The following SNCAIP variants were observed in gnomAD, a reference collection of about 807,000 sequenced individuals.
SNCAIP encodes synuclein alpha interacting protein, also known as synphilin-1.
A neutral mutation model predicts 86.7 loss-of-function variants in SNCAIP; 43 were observed. The observed-to-expected ratio is 0.50, with a 90% CI of 0.39 to 0.64. The LOEUF (loss-of-function observed/expected upper bound fraction) is 0.64, where lower values mean the gene tolerates loss of function less well. Ranked by LOEUF, SNCAIP falls within the 30% of genes least tolerant of loss-of-function variation. The pLI is 0.00. For missense variants in SNCAIP, 981 were observed against 1,103.1 expected (o/e 0.89, Z 1.57); for synonymous variants, 417 against 427.2 (o/e 0.98, Z 0.29).
At chr5:122,353,209 G>A (rs1760236000) in intron 1 of SNCAIP, among the ~76,000 whole-genome samples, 3 of 152,080 alleles carry the variant, frequency 2.0e-5, no homozygotes, top group African/African-American at 7.2e-5. Context: ...AAGGAGGTGG[G>A]CAGCACAAGT....
intron 1 of SNCAIP, among the ~76,000 whole-genome samples, chr5:122,317,570 A>G (rs1752022740): frequency 6.6e-6 from 1 of 152,126 alleles, no homozygotes; most frequent in Non-Finnish European, 1.5e-5. Flanking sequence ...GGAGAGTGGT[A>G]TGTGTGACGG....
intron 2 of SNCAIP, chr5:122,401,201 T>G: frequency 2.1e-6 from 3 of 1,405,562 alleles, no homozygotes; most frequent in Non-Finnish European, 2.9e-6. Flanking sequence ...TGGGAAGCCT[T>G]CCATTTCAGC....
rs1004288261 is a variant in SNCAIP at position 122,464,203 on chromosome 5, C to G, written c.*707C>G. ...TCCCATAGGCGTCAAATAAAACATT[C>G]TATATTTCATTAAGTACTAAAGGAT... On this transcript the variant is annotated 3_prime_UTR_variant, in exon 11 of 11. Transcript: ENST00000261368. The G allele has an allele frequency of 1.3e-5, 2 of 152,156 alleles. No homozygotes were observed. The highest frequency in any genetic ancestry group is 1.3e-4 in the Admixed American group (2 of 15,270). The allele number at this position is 152,156 out of a possible 1,614,324, so 9.4% of individuals were successfully genotyped here. A position where few individuals can be genotyped will look rare whatever the true frequency, so the allele number is the denominator to read the frequency against.
chr5:122,413,448 ACCT>A (rs1774568904), intron 3 of SNCAIP, among the ~76,000 whole-genome samples: 1 of 151,932 alleles, frequency 6.6e-6, no homozygotes, highest in East Asian at 1.9e-4. Flanking sequence ...CTTAAATGTC[ACCT>A]CCTTGATGAG....
intron 1 of SNCAIP, among the ~76,000 whole-genome samples, chr5:122,347,622 C>A (rs6595361): frequency 0.26 from 38,959 of 151,772 alleles, 5,892 homozygotes; most frequent in African/African-American, 0.43. Flanking sequence ...AAATATATAT[C>A]CATATTGATC....
chr5:122,355,432 TATAAG>T (rs1180788578), intron 1 of SNCAIP, among the ~76,000 whole-genome samples: 1 of 152,172 alleles, frequency 6.6e-6, no homozygotes, highest in Non-Finnish European at 1.5e-5. Flanking sequence ...ACCCCCATCT[TATAAG>T]GTAATTAGGT....
At chr5:122,415,632 T>C (rs1775146206) in intron 3 of SNCAIP, among the ~76,000 whole-genome samples, 1 of 152,198 alleles carries the variant, frequency 6.6e-6, no homozygotes, top group African/African-American at 2.4e-5. Flanking sequence ...CTGTTCTCTC[T>C]TACCAAGGAG....
chr5:122,332,154 T>C (rs538982199), intron 1 of SNCAIP, among the ~76,000 whole-genome samples: 3 of 152,364 alleles, frequency 2.0e-5, no homozygotes, highest in East Asian at 3.9e-4. Flanking sequence ...CTCCAGACAA[T>C]GATTTAACAT....
intron 3 of SNCAIP, among the ~76,000 whole-genome samples, chr5:122,414,104 T>C (rs1406921005): frequency 6.6e-6 from 1 of 151,944 alleles, no homozygotes; most frequent in Non-Finnish European, 1.5e-5. Flanking sequence ...GAGATGAGGA[T>C]CTCAGTGTTA....
chr5:122,384,132 T>G (rs1011694238), intron 1 of SNCAIP, among the ~76,000 whole-genome samples: 1 of 152,194 alleles, frequency 6.6e-6, no homozygotes, highest in African/African-American at 2.4e-5. Context: ...CTGACCTAGA[T>G]GGTTCAAAGA....
At chr5:122,406,555 A>G (rs1414661783) in intron 3 of SNCAIP, among the ~76,000 whole-genome samples, 11 of 152,072 alleles carry the variant, frequency 7.2e-5, no homozygotes, top group Admixed American at 7.2e-4. Context: ...ATGAGGGTGG[A>G]TTTCTCATGA....
intron 1 of SNCAIP, among the ~76,000 whole-genome samples, chr5:122,390,736 C>G (rs1442515758): frequency 6.6e-6 from 1 of 152,184 alleles, no homozygotes; most frequent in Non-Finnish European, 1.5e-5. Context: ...CCCCATTTCC[C>G]AAAGCCCTGC....
Position 122,423,533 on chromosome 5 carries a change from C to T in SNCAIP, c.796C>T (p.Pro266Ser). The T allele has an allele frequency of 1.2e-6, 2 of 1,614,098 alleles. No individual in the cohort carries two copies. The highest frequency in any genetic ancestry group is 1.7e-6 in the Non-Finnish European group (2 of 1,180,002). The change falls in exon 4 of 11, where the codon CCT becomes TCT. Residue 266 changes from proline (P) to serine (S), a missense_variant. Physicochemically the swap from Pro to Ser is moderately conservative, Grantham distance 74. Transcript: ENST00000261368. ...KDFLNKTFSD[P>S]HGRKVEKTTP... ...CTTCCTAAACAAGACATTTAGTGATCCTCATGGTCGAAAAGTTGAGAAGAC... is the reference window on the plus strand; with the variant it reads ...CTTCCTAAACAAGACATTTAGTGATTCTCATGGTCGAAAAGTTGAGAAGAC...
intron 1 of SNCAIP, among the ~76,000 whole-genome samples, chr5:122,361,454 G>A (rs567293973): frequency 6.6e-6 from 1 of 152,092 alleles, no homozygotes; most frequent in African/African-American, 2.4e-5. Flanking sequence ...TGCATCAAAG[G>A]AAGGTTTAAA....
chr5:122,353,460 A>T (rs1760311093), intron 1 of SNCAIP, among the ~76,000 whole-genome samples: 1 of 150,264 alleles, frequency 6.7e-6, no homozygotes. Context: ...AAAAAAGACA[A>T]CTGCTGTAGT....
chr5:122,368,969 G>T (rs1189399875), intron 1 of SNCAIP, among the ~76,000 whole-genome samples: 1 of 152,120 alleles, frequency 6.6e-6, no homozygotes, highest in African/African-American at 2.4e-5. Flanking sequence ...ATATCAGTTT[G>T]CTCCCGGCCA....
chr5:122,353,816 T>C (rs1580618007), intron 1 of SNCAIP, among the ~76,000 whole-genome samples: 1 of 152,096 alleles, frequency 6.6e-6, no homozygotes, highest in East Asian at 1.9e-4. Context: ...TATGTCTTTA[T>C]CAGCAGCGTG....
intron 6 of SNCAIP, among the ~76,000 whole-genome samples, chr5:122,435,160 G>A (rs924728673): frequency 2.6e-5 from 4 of 152,150 alleles, no homozygotes; most frequent in African/African-American, 7.2e-5. Flanking sequence ...CTCAGAGGGT[G>A]CAATTATTTC....
rs1783579241 is a variant in SNCAIP, at chr5:122,450,957, A to G, written c.2110A>G (p.Ile704Val). 2 of 1,614,162 alleles carry G rather than the reference A, an allele frequency of 1.2e-6. No homozygotes were observed. Among genetic ancestry groups the G allele is most frequent in the Non-Finnish European group, 1.7e-6 (2 of 1,180,018 alleles). ...RKADRPRPQP[I>V]VESVESMDSA... is the part of the protein sequence containing the mutation. ...GGCTGACCGACCAAGGCCGCAGCCC[A>G]TTGTAGAAAGCGTAGAGAGTATGGA... Residue 704 changes from isoleucine (I) to valine (V), a missense_variant, in exon 10 of 11, where the codon ATT (isoleucine) becomes GTT (valine). Transcript: ENST00000261368.
Sources: allele counts gnomAD v4.1 joint callset (sites outside exome capture counted in the v4.1 genomes callset), GRCh38; gene constraint gnomAD v4.1.1; transcripts MANE v1.5; gene names NCBI Gene and HGNC (gene_info 2026-07-23, HGNC 2026-07-21).